Variants in BCAS3 observed in about 807,000 individuals in gnomAD.
BCAS3 encodes the protein BCAS4/BCAS3 fusion.
A neutral mutation model predicts 116.1 loss-of-function variants in BCAS3; 53 were observed. The observed-to-expected ratio is 0.46, with a 90% CI of 0.37 to 0.57. The LOEUF is 0.57. Ranked by LOEUF, BCAS3 falls within the 20% of genes least tolerant of loss-of-function variation. BCAS3 has a pLI of 0.00. For missense variants in BCAS3, 917 were observed against 1,165.4 expected (o/e 0.79, Z 3.10); for synonymous variants, 391 against 408.2 (o/e 0.96, Z 0.51).
At chr17:60,927,056 A>G (rs2059397799) in intron 13 of BCAS3, among the ~76,000 whole-genome samples, 1 of 152,124 alleles carries the variant, frequency 6.6e-6, no homozygotes, top group Non-Finnish European at 1.5e-5. Context: ...GATGTCATTA[A>G]TCTTTGTATC....
intron 5 of BCAS3, among the ~76,000 whole-genome samples, chr17:60,734,043 G>A (rs980511288): frequency 6.6e-6 from 1 of 151,986 alleles, no homozygotes; most frequent in Admixed American, 6.6e-5. Context: ...TTACATGGAT[G>A]GTGCTATTGG....
At chr17:60,807,611 GT>G (rs1031903500) in intron 6 of BCAS3, among the ~76,000 whole-genome samples, 3 of 152,002 alleles carry the variant, frequency 2.0e-5, no homozygotes, top group Non-Finnish European at 4.4e-5. Flanking sequence ...GCGAAACCCT[GT>G]CTCTACTAAA....
intron 4 of BCAS3, among the ~76,000 whole-genome samples, chr17:60,705,694 G>T (rs1451133116): frequency 6.6e-6 from 1 of 152,120 alleles, no homozygotes; most frequent in Non-Finnish European, 1.5e-5. Context: ...AGTGCCAGAT[G>T]ATGAGGAAGA....
rs34911740 is a variant in BCAS3, at chr17:61,348,754, C to CT, written c.2426-19557dup. On this transcript the variant is annotated intron_variant, in intron 22 of 23. Coordinates refer to ENST00000407086, the MANE Select transcript of BCAS3 (RefSeq NM_017679.5). The surrounding 1 kb of genome is among the most constrained non-coding windows in gnomAD (Gnocchi z 4.5). ...TCTTGCAACCTCTTGGGCAGAGATTCTTTTTTTTTTTTTTTTGAAACAGAG... is the reference window on the plus strand; with the variant it reads ...TCTTGCAACCTCTTGGGCAGAGATTCTTTTTTTTTTTTTTTTTGAAACAGAG... 0.68 allele frequency among the ~76,000 whole-genome samples: 92,359 copies of CT among 134,996 alleles called. 33,852 individuals are homozygous for CT. The highest frequency in any genetic ancestry group is 0.9 in the East Asian group (4,046 of 4,496). The allele number at this position is 134,996 out of a possible 152,430, so 88.6% of individuals were successfully genotyped here. A position where few individuals can be genotyped will look rare whatever the true frequency, so the allele number is the denominator to read the frequency against.
chr17:61,106,233 A>G lies in BCAS3; in HGVS notation c.2425+21669A>G, dbSNP rs891623233. Among the ~76,000 whole-genome samples, 9 of 152,228 alleles carry G rather than the reference A, an allele frequency of 5.9e-5. No homozygotes were observed. Among genetic ancestry groups the G allele is most frequent in the Non-Finnish European group, 1.2e-4 (8 of 68,036 alleles). ...GTACATATAGGAAAAAACATGGTAT[A>G]TACAGTCATGTATGGCATAGTGACC... On this transcript the variant is annotated intron_variant, in intron 22 of 23. Coordinates refer to ENST00000407086, the MANE Select transcript of BCAS3 (RefSeq NM_017679.5). The surrounding 1 kb of genome is among the most constrained non-coding windows in gnomAD (Gnocchi z 4.2).
chr17:61,268,664 T>G (rs1213713704), intron 22 of BCAS3, among the ~76,000 whole-genome samples: 1 of 152,042 alleles, frequency 6.6e-6, no homozygotes, highest in Non-Finnish European at 1.5e-5. Context: ...TTCATGCAAT[T>G]CTCATGCCTC....
intron 13 of BCAS3, among the ~76,000 whole-genome samples, chr17:60,936,180 A>G (rs1028670192): frequency 3.0e-4 from 45 of 151,664 alleles, no homozygotes; most frequent in Non-Finnish European, 4.4e-4. Context: ...CCTACAAAGG[A>G]CATGAACTCA....
chr17:61,045,157 T>C (rs1013854321), intron 19 of BCAS3, among the ~76,000 whole-genome samples: 1 of 152,022 alleles, frequency 6.6e-6, no homozygotes, highest in African/African-American at 2.4e-5. Flanking sequence ...TTTCAAATGA[T>C]AGACTTCTGG....
chr17:61,085,044 CA>C (rs1393566669), intron 22 of BCAS3, among the ~76,000 whole-genome samples: 2 of 152,172 alleles, frequency 1.3e-5, no homozygotes, highest in African/African-American at 4.8e-5. Context: ...GTCTATCTAT[CA>C]CAGTTATTAA....
chr17:60,901,789 C>T (rs1446510274), intron 10 of BCAS3, among the ~76,000 whole-genome samples: 2 of 152,148 alleles, frequency 1.3e-5, no homozygotes, highest in Non-Finnish European at 2.9e-5. Context: ...ATAGATTCTT[C>T]GTGAATTCCA....
intron 4 of BCAS3, 102 bp downstream of exon 4, chr17:60,689,863 T>C: frequency 3.9e-6 from 3 of 772,964 alleles, no homozygotes; most frequent in African/African-American, 1.8e-5. Flanking sequence ...CTTTCTCTTA[T>C]AGTAATTTTT....
At chr17:61,081,188 T>A (rs2072565775) in intron 21 of BCAS3, among the ~76,000 whole-genome samples, 1 of 152,174 alleles carries the variant, frequency 6.6e-6, no homozygotes, top group African/African-American at 2.4e-5. Context: ...ACACATTTAG[T>A]TTTTTTGCTA....
intron 22 of BCAS3, among the ~76,000 whole-genome samples, chr17:61,264,182 A>G: frequency 6.6e-6 from 1 of 152,058 alleles, no homozygotes; most frequent in Non-Finnish European, 1.5e-5. Context: ...GTTACTACAA[A>G]ATAAGCTCTA....
chr17:60,768,317 T>G (rs1004523048), intron 6 of BCAS3, among the ~76,000 whole-genome samples: 5 of 152,144 alleles, frequency 3.3e-5, no homozygotes, highest in Non-Finnish European at 7.4e-5. Context: ...TTTGAGTCAG[T>G]GGGCTTGGAA....
chr17:61,053,800 T>C (rs2069107722), intron 19 of BCAS3, among the ~76,000 whole-genome samples: 1 of 152,222 alleles, frequency 6.6e-6, no homozygotes, highest in African/African-American at 2.4e-5. Context: ...ATAGGGTGTG[T>C]CATACTGCTC....
At chr17:60,837,494 T>C (rs1180789410) in intron 7 of BCAS3, among the ~76,000 whole-genome samples, 3 of 152,180 alleles carry the variant, frequency 2.0e-5, no homozygotes, top group Non-Finnish European at 4.4e-5. Flanking sequence ...CAATAAAAGA[T>C]AATAAGGTAA....
Position 61,023,476 on chromosome 17 carries a change from G to T in BCAS3, c.1637+7575G>T. On this transcript the variant is annotated intron_variant, in intron 16 of 23. Coordinates refer to ENST00000407086, the MANE Select transcript of BCAS3 (RefSeq NM_017679.5). This position sits in a 1 kb window ranked among gnomAD's most constrained non-coding sequence, Gnocchi z 4.8. ...CTTTAACTCTGGAGATGATTGAACA[G>T]AATTGTTACTAATACCTTTTAGCAC... 6.6e-6 allele frequency among the ~76,000 whole-genome samples: 1 copy of T among 152,156 alleles called. No individual in the cohort carries two copies. The highest frequency in any genetic ancestry group is 1.9e-4 in the East Asian group (1 of 5,198).
At chr17:61,074,689 T>A (rs1477670799) in intron 19 of BCAS3, among the ~76,000 whole-genome samples, 1 of 152,238 alleles carries the variant, frequency 6.6e-6, no homozygotes, top group Non-Finnish European at 1.5e-5. Context: ...GTTGTTTATT[T>A]CTTTTATTGC....
intron 22 of BCAS3, among the ~76,000 whole-genome samples, chr17:61,195,065 C>G (rs1440490857): frequency 1.3e-5 from 2 of 152,228 alleles, no homozygotes; most frequent in African/African-American, 4.8e-5. Context: ...CGATCTGTTG[C>G]AATGACTGAA....
Sources: gnomAD v4.1 joint callset for allele counts (sites outside exome capture counted in the v4.1 genomes callset) on GRCh38, gnomAD v4.1.1 for gene constraint, Gnocchi (gnomAD v3.1) non-coding constraint, MANE v1.5 for transcripts, NCBI Gene and HGNC (gene_info 2026-07-23, HGNC 2026-07-21) for gene names.